The following WLS variants were observed in gnomAD, a reference collection of about 807,000 sequenced individuals.
WLS encodes protein wntless homolog.
WLS carries 23 observed loss-of-function variants against 62.8 expected under a neutral mutation model. That is an observed-to-expected ratio of 0.37 (90% CI 0.26 to 0.52). The LOEUF is 0.52. Among genes scored for constraint, WLS ranks in the 20% least tolerant of loss-of-function variants. The pLI is 0.92. For missense variants in WLS, 615 were observed against 697.3 expected, an observed-to-expected ratio of 0.88 and a Z score of 1.33; for synonymous variants, 246 against 244.1, an observed-to-expected ratio of 1.01 and a Z score of -0.07.
intron 1 of WLS, among the ~76,000 whole-genome samples, chr1:68,218,500 A>G (rs1345120156): frequency 6.6e-6 from 1 of 152,186 alleles, no homozygotes; most frequent in East Asian, 1.9e-4. Context: ...CTAAGAACTC[A>G]TTTCTGGATC....
rs144140846 is a variant in WLS at position 68,218,327 on chromosome 1, A to G, written c.106+13867T>C. The stretch of plus-strand genomic sequence containing the variant: ...AAATAGATATTGAGAGGGGACAAAA[A>G]TACCTACTTCCAGTCACAGGCTTTT... On this transcript the variant is annotated intron_variant, in intron 1 of 11. Transcript: ENST00000262348. 7.9e-3 allele frequency among the ~76,000 whole-genome samples: 1,199 copies of G among 152,264 alleles called. 13 individuals carry two copies. The highest frequency in any genetic ancestry group is 0.011 in the Non-Finnish European group (770 of 68,020).
At chr1:68,138,668 C>CT (rs1646646328) in intron 10 of WLS, among the ~76,000 whole-genome samples, 1 of 152,142 alleles carries the variant, frequency 6.6e-6, no homozygotes, top group African/African-American at 2.4e-5. Flanking sequence ...TGGTAATTGT[C>CT]TTAAGGGCTG....
chr1:68,154,952 C>T (rs1037082851), intron 4 of WLS, 147 bp downstream of exon 4: 1 of 891,800 alleles, frequency 1.1e-6, no homozygotes, highest in South Asian at 2.0e-5. Flanking sequence ...TAATCTCTCA[C>T]ACAAATTAGT....
chr1:68,138,272 C>G (rs1646639111), intron 10 of WLS: 1 of 233,460 alleles, frequency 4.3e-6, no homozygotes, highest in Non-Finnish European at 8.4e-6. Context: ...AATTATAATT[C>G]CTCCTCTGCT....
intron 4 of WLS, among the ~76,000 whole-genome samples, chr1:68,154,482 A>G (rs937384638): frequency 4.6e-5 from 7 of 152,232 alleles, no homozygotes; most frequent in Admixed American, 3.9e-4. Flanking sequence ...CATTAAATAA[A>G]GAAAGCAAGG....
intron 1 of WLS, chr1:68,231,828 G>A (rs1335686585): frequency 2.1e-6 from 1 of 472,878 alleles, no homozygotes; most frequent in Admixed American, 2.8e-5. Flanking sequence ...AGGGAACCGA[G>A]AGGAAAAGGG....
At chr1:68,133,271 A>G (rs1377872229) in intron 11 of WLS, among the ~76,000 whole-genome samples, 1 of 152,202 alleles carries the variant, frequency 6.6e-6, no homozygotes, top group East Asian at 1.9e-4. Flanking sequence ...CACTGCCGCT[A>G]TGGTCCACCA....
chr1:68,169,575 G>C (rs1202068916), intron 2 of WLS, among the ~76,000 whole-genome samples: 1 of 151,984 alleles, frequency 6.6e-6, no homozygotes, highest in African/African-American at 2.4e-5. Flanking sequence ...CTCTTTCATG[G>C]TTTAGAAATG....
chr1:68,153,688 T>C, intron 4 of WLS, 35 bp from the exon 5 acceptor site: 2 of 1,612,870 alleles, frequency 1.2e-6, no homozygotes, highest in East Asian at 2.2e-5. Flanking sequence ...TGAAGGTGAA[T>C]ATTATCTTAG....
At chr1:68,169,328 C>T (rs558148994) in intron 2 of WLS, among the ~76,000 whole-genome samples, 50 of 152,212 alleles carry the variant, frequency 3.3e-4, no homozygotes, top group African/African-American at 1.2e-3. Flanking sequence ...AATGCTATAC[C>T]ACTGAAAAAG....
rs1284428593 is a variant in WLS, at chr1:68,162,794, C to T, written c.380-3547G>A. 9 of 1,133,094 alleles carry T rather than the reference C, an allele frequency of 7.9e-6. No individual in the cohort carries two copies. The African/African-American group carries it at 1.4e-4, about 17-fold the overall frequency. The allele number at this position is 1,133,094 out of a possible 1,614,324, so 70.2% of individuals were successfully genotyped here. A position where few individuals can be genotyped will look rare whatever the true frequency, so the allele number is the denominator to read the frequency against. On this transcript the variant is annotated intron_variant, in intron 2 of 11. Coordinates refer to ENST00000262348, the MANE Select transcript of WLS (RefSeq NM_024911.7). ...TAGCCACTGCCTATCTGCACGATCA[C>T]TCTCGGGGCCTTAAACTTTTCTAGG... is the stretch of plus-strand genomic sequence containing the variant.
At position 68,118,875 on chromosome 1, in the gene WLS, C is replaced by CAAAAAAAAAAAAAAA. The variant is rs33982774; in HGVS notation, c.1510+18890_1510+18904dup. On this transcript the variant is annotated intron_variant, in intron 11 of 11. Coordinates refer to the WLS transcript ENST00000354777. The stretch of plus-strand genomic sequence containing the variant: ...CTGGGTGACGAGCAAGACTCTGTCT[C>CAAAAAAAAAAAAAAA]AAAAAAAAAAAAAAAAAAAAAAAAA... Among the ~76,000 whole-genome samples the CAAAAAAAAAAAAAAA allele has an allele frequency of 2.4e-3, 63 of 26,392 alleles. 11 individuals are homozygous for CAAAAAAAAAAAAAAA. The highest frequency in any genetic ancestry group is 4.3e-3 in the East Asian group (2 of 470). 17.3% of individuals were successfully genotyped at this position (26,392 alleles called of 152,430 possible). A position where few individuals can be genotyped will look rare whatever the true frequency, so the allele number is the denominator to read the frequency against.
At chr1:68,108,165 G>A (rs1163198769) in intron 11 of WLS, among the ~76,000 whole-genome samples, 2 of 152,268 alleles carry the variant, frequency 1.3e-5, no homozygotes, top group East Asian at 3.9e-4. Context: ...GGTGGGGCAG[G>A]AATCGGCTTG....
intron 2 of WLS, chr1:68,162,762 G>A (rs1646998647): frequency 2.7e-6 from 3 of 1,102,202 alleles, no homozygotes; most frequent in Non-Finnish European, 4.2e-6. Context: ...TGATGTCCAC[G>A]TTATCGTAGC....
At chr1:68,133,503 C>T (rs1292985060) in intron 11 of WLS, among the ~76,000 whole-genome samples, 2 of 152,130 alleles carry the variant, frequency 1.3e-5, no homozygotes, top group Non-Finnish European at 2.9e-5. Context: ...CTTCACTTCA[C>T]TCCATCTCAT....
At chr1:68,163,814 A>T (rs1226577715) in intron 2 of WLS, among the ~76,000 whole-genome samples, 1 of 152,194 alleles carries the variant, frequency 6.6e-6, no homozygotes, top group Admixed American at 6.5e-5. Context: ...AAGGATTAAA[A>T]GTCAAGTTAG....
rs146174173 is a variant in WLS at position 68,164,909 on chromosome 1, C to T, written c.380-5662G>A. Among the ~76,000 whole-genome samples, 226 of 152,274 alleles carry T rather than the reference C, an allele frequency of 1.5e-3. 3 individuals carry two copies. Among genetic ancestry groups the T allele is most frequent in the Admixed American group, 0.011 (174 of 15,290 alleles). Reference sequence around the variant, plus strand: ...CAAGAGTCTGTAGAAGAAACTGTGCCACTCCCAGCTTGGCAGAAACAATGT... The same window carrying T: ...CAAGAGTCTGTAGAAGAAACTGTGCTACTCCCAGCTTGGCAGAAACAATGT... On this transcript the variant is annotated intron_variant, in intron 2 of 11. Coordinates refer to ENST00000262348, the MANE Select transcript of WLS (RefSeq NM_024911.7).
intron 11 of WLS, among the ~76,000 whole-genome samples, chr1:68,100,988 A>G (rs1449546038): frequency 1.3e-5 from 2 of 152,202 alleles, no homozygotes; most frequent in Non-Finnish European, 2.9e-5. Context: ...CCTGCTGAAT[A>G]TGTAAACATA....
At chr1:68,168,128 C>T (rs1487297322) in intron 2 of WLS, among the ~76,000 whole-genome samples, 4 of 151,982 alleles carry the variant, frequency 2.6e-5, no homozygotes, top group Non-Finnish European at 5.9e-5. Flanking sequence ...TGCTAGAAAT[C>T]GCTAGGAAAG....
Sources: gnomAD v4.1 joint callset for allele counts (sites outside exome capture counted in the v4.1 genomes callset) on GRCh38, gnomAD v4.1.1 for gene constraint, MANE v1.5 for transcripts, NCBI Gene and HGNC (gene_info 2026-07-23, HGNC 2026-07-21) for gene names.